Variants in RAVER2 observed in about 807,000 individuals in gnomAD.
The protein encoded by RAVER2 is ribonucleoprotein, PTB binding 2.
Under a neutral mutation model 78.1 loss-of-function variants are expected in RAVER2, and 46 were observed. That is an observed-to-expected ratio of 0.59 (90% CI 0.46 to 0.75). RAVER2 has a LOEUF of 0.75. RAVER2 is among the 30% of genes least tolerant of loss of function. RAVER2 has a pLI of 0.00. For synonymous variants in RAVER2, 311 were observed against 313.3 expected (o/e 0.99, Z 0.08); for missense variants, 793 against 837.5 (o/e 0.95, Z 0.66).
chr1:64,780,061 T>C (rs181851552), intron 3 of RAVER2, among the ~76,000 whole-genome samples: 2 of 152,122 alleles, frequency 1.3e-5, no homozygotes, highest in East Asian at 3.9e-4. Flanking sequence ...TGAAGATCAT[T>C]ATAATGAAAT....
rs531808580 is a variant in RAVER2, at chr1:64,812,753, C to G, written c.1696C>G (p.Gln566Glu). 3.7e-6 allele frequency: 6 copies of G among 1,610,988 alleles called. No homozygotes were observed. Among genetic ancestry groups the G allele is most frequent in the Admixed American group, 1.7e-5 (1 of 59,442 alleles). ...TGTTAAATAGGCTGCCTCTAAGAAT[C>G]AAACTTCACTCTTGGGAGAACCACC... The change falls in exon 10 of 12, where the codon CAA becomes GAA. Residue 566 changes from glutamine to glutamate, a missense_variant. Coordinates refer to ENST00000294428, the Ensembl canonical transcript of RAVER2.
intron 5 of RAVER2, among the ~76,000 whole-genome samples, chr1:64,794,866 G>A (rs758448945): frequency 5.3e-5 from 8 of 151,884 alleles, no homozygotes; most frequent in Non-Finnish European, 1.0e-4. Flanking sequence ...TACTTCCTGT[G>A]TCATATTTGA....
At chr1:64,798,854 A>G (rs1653177339) in intron 5 of RAVER2, among the ~76,000 whole-genome samples, 1 of 152,186 alleles carries the variant, frequency 6.6e-6, no homozygotes, top group Non-Finnish European at 1.5e-5. Flanking sequence ...ATGGTCCAAT[A>G]CATGTATATA....
intron 11 of RAVER2, among the ~76,000 whole-genome samples, chr1:64,817,150 A>T (rs545962211): frequency 5.3e-4 from 81 of 152,368 alleles, no homozygotes; most frequent in South Asian, 1.0e-3. Flanking sequence ...GACACATGAA[A>T]AAATGCTCAT....
chr1:64,826,344 G>T (rs74080719), intron 11 of RAVER2, among the ~76,000 whole-genome samples: 3,960 of 152,292 alleles, frequency 0.026, 159 homozygotes, highest in African/African-American at 0.088. Flanking sequence ...TAAATACGTG[G>T]TCAAGGAAGG....
chr1:64,795,144 G>C (rs11578814), intron 5 of RAVER2, among the ~76,000 whole-genome samples: 30,005 of 151,988 alleles, frequency 0.2, 3,175 homozygotes, highest in East Asian at 0.28. Flanking sequence ...TAACTAAACT[G>C]TGTTCATTGA....
intron 11 of RAVER2, among the ~76,000 whole-genome samples, chr1:64,824,735 G>A (rs1426608146): frequency 6.6e-6 from 1 of 151,920 alleles, no homozygotes; most frequent in Non-Finnish European, 1.5e-5. Flanking sequence ...TTCAAGACCA[G>A]CTTGGCCAAC....
rs1192207392 is a variant in RAVER2, at chr1:64,798,144, A to G, written c.1106-4832A>G. On this transcript the variant is annotated intron_variant, in intron 5 of 11. Transcript: ENST00000294428. ...TGTGTCCATGTGATCTCATTGTTCA[A>G]TTCCCACCTATGAGTGAGAATATGC... 1.2e-3 allele frequency among the ~76,000 whole-genome samples: 155 copies of G among 130,294 alleles called. 1 individual carries two copies. Among genetic ancestry groups the G allele is most frequent in the Admixed American group, 3.2e-4 (4 of 12,422 alleles). 85.5% of individuals were successfully genotyped at this position (130,294 alleles called of 152,430 possible).
At chr1:64,759,125 G>A (rs996861256) in intron 1 of RAVER2, among the ~76,000 whole-genome samples, 1 of 151,672 alleles carries the variant, frequency 6.6e-6, no homozygotes, top group African/African-American at 2.4e-5. Context: ...TTGAAGAAGT[G>A]AGTTACAAAT....
At chr1:64,753,523 CTTTTTTT>C (rs59448781) in intron 1 of RAVER2, among the ~76,000 whole-genome samples, 11 of 100,914 alleles carry the variant, frequency 1.1e-4, no homozygotes, top group African/African-American at 2.9e-4. Context: ...GTATAGAATT[CTTTTTTT>C]TTTTTTTTTT....
chr1:64,755,619 G>T (rs1651829946), intron 1 of RAVER2, among the ~76,000 whole-genome samples: 1 of 151,004 alleles, frequency 6.6e-6, no homozygotes, highest in Non-Finnish European at 1.5e-5. Flanking sequence ...TTAGTTCCTG[G>T]CTTGCCTTTA....
intron 4 of RAVER2, among the ~76,000 whole-genome samples, chr1:64,781,838 G>T (rs554092362): frequency 6.6e-6 from 1 of 152,108 alleles, no homozygotes; most frequent in East Asian, 1.9e-4. Flanking sequence ...CATTTATTCA[G>T]CAAATATTGA....
chr1:64,818,702 A>T (rs550914067), intron 11 of RAVER2, among the ~76,000 whole-genome samples: 3 of 151,978 alleles, frequency 2.0e-5, no homozygotes, highest in African/African-American at 7.2e-5. Context: ...GCCTAATACC[A>T]CTCCCTAGAT....
chr1:64,833,144 A>C, exon 12 of RAVER2: 12 of 175,608 alleles, frequency 6.8e-5, no homozygotes, highest in East Asian at 2.9e-4. Context: ...TCCTCCCCCC[A>C]AAACTATACT....
At chr1:64,798,001 C>T (rs1653145375) in intron 5 of RAVER2, among the ~76,000 whole-genome samples, 2 of 150,180 alleles carry the variant, frequency 1.3e-5, no homozygotes, top group Admixed American at 1.3e-4. Context: ...TATACATGTG[C>T]CACGCTGGTG....
At chr1:64,833,166 A>G (rs1213808385) in exon 12 of RAVER2, 6 of 184,024 alleles carry the variant, frequency 3.3e-5, no homozygotes, top group Non-Finnish European at 6.9e-5. Flanking sequence ...TTATTTTTCT[A>G]TGTAAGCAAA....
At chr1:64,829,307 C>T (rs1407682952) in intron 11 of RAVER2, among the ~76,000 whole-genome samples, 1 of 152,166 alleles carries the variant, frequency 6.6e-6, no homozygotes, top group Non-Finnish European at 1.5e-5. Flanking sequence ...GAGCAGTCTG[C>T]TTCCCTCCCC....
At chr1:64,812,876 G>A (rs751174609) in intron 10 of RAVER2, 27 bp downstream of exon 10, 2 of 1,490,186 alleles carry the variant, frequency 1.3e-6, no homozygotes, top group Non-Finnish European at 1.8e-6. Flanking sequence ...TATTCTTGTT[G>A]TGGAGTTTTA....
Position 64,745,495 on chromosome 1 carries a change from G to A in RAVER2, c.249+74G>A, listed in dbSNP as rs1300895121. The A allele has an allele frequency of 2.1e-6, 3 of 1,441,680 alleles. No homozygotes were observed. The highest frequency in any genetic ancestry group is 2.2e-5 in the Admixed American group (1 of 45,460). 89.3% of individuals were successfully genotyped at this position (1,441,680 alleles called of 1,614,324 possible). On this transcript the variant is annotated intron_variant, in intron 1 of 11. Transcript: ENST00000294428. The surrounding 1 kb of genome is among the most constrained non-coding windows in gnomAD (Gnocchi z 4.3). ...GCGCTCCGTGTCCAGGCTGGGATCG[G>A]GGGCGCCTCAGAGCGGTCCTGGGGA...
Sources: allele counts gnomAD v4.1 joint callset (sites outside exome capture counted in the v4.1 genomes callset), GRCh38; gene constraint gnomAD v4.1.1; non-coding constraint Gnocchi (gnomAD v3.1); transcripts MANE v1.5; gene names NCBI Gene and HGNC (gene_info 2026-07-23, HGNC 2026-07-21).